The following RORA variants were observed in gnomAD, a reference collection of about 807,000 sequenced individuals.
RORA encodes the protein RAR related orphan receptor A, also known as nuclear receptor ROR-alpha.
Under a neutral mutation model 69.5 loss-of-function variants are expected in RORA, and 7 were observed. The ratio of observed to expected loss-of-function variants is 0.10; its 90% CI spans 0.06 to 0.19. The LOEUF (loss-of-function observed/expected upper bound fraction) is 0.19. Among genes scored for constraint, RORA ranks in the 10% least tolerant of loss-of-function variants. The probability of loss-of-function intolerance (pLI) is 1.00; values close to 1 mark genes in which losing one functional copy is unlikely to be tolerated. For synonymous variants in RORA, 261 were observed against 240.8 expected, an observed-to-expected ratio of 1.08 and a Z score of -0.78; for missense variants, 457 against 663.0, an observed-to-expected ratio of 0.69 and a Z score of 3.41.
chr15:61,036,179 C>T (rs1036649006), intron 1 of RORA, among the ~76,000 whole-genome samples: 7 of 152,120 alleles, frequency 4.6e-5, no homozygotes, highest in Non-Finnish European at 8.8e-5. Context: ...GAGGCAGCAA[C>T]CAGGGAAAAT....
intron 1 of RORA, among the ~76,000 whole-genome samples, chr15:61,012,331 G>A (rs1307645292): frequency 1.3e-5 from 2 of 152,208 alleles, no homozygotes; most frequent in Non-Finnish European, 2.9e-5. Flanking sequence ...AATTGGTACA[G>A]TAATCTTTGC....
At chr15:60,810,678 T>A (rs1263891179) in intron 1 of RORA, among the ~76,000 whole-genome samples, 1 of 151,758 alleles carries the variant, frequency 6.6e-6, no homozygotes, top group African/African-American at 2.4e-5. Context: ...CTTATCTTTC[T>A]GTGTTTTTTA....
chr15:60,524,462 C>T (rs1452693120), intron 3 of RORA, among the ~76,000 whole-genome samples: 1 of 152,190 alleles, frequency 6.6e-6, no homozygotes, highest in Non-Finnish European at 1.5e-5. Flanking sequence ...CCACAGTTCC[C>T]CAAAGAAACT....
chr15:61,159,003 G>A (rs983764626), intron 1 of RORA, among the ~76,000 whole-genome samples: 1 of 152,086 alleles, frequency 6.6e-6, no homozygotes, highest in African/African-American at 2.4e-5. Context: ...GTCATTTTAC[G>A]ACTAGACCTC....
chr15:60,817,603 G>A (rs1386618395), intron 1 of RORA, among the ~76,000 whole-genome samples: 3 of 152,146 alleles, frequency 2.0e-5, no homozygotes, highest in Admixed American at 6.5e-5. Context: ...GTAACACCAG[G>A]TCCAATCTCT....
chr15:60,942,466 G>A (rs568998658), intron 1 of RORA, among the ~76,000 whole-genome samples: 4 of 152,130 alleles, frequency 2.6e-5, no homozygotes, highest in Non-Finnish European at 2.9e-5. Flanking sequence ...CAAGATGTTC[G>A]GCAATTATTT....
At position 60,522,314 on chromosome 15, in the gene RORA, G is replaced by A. The variant is rs139439289; in HGVS notation, c.283-7557C>T. ...TCTGTATTCTGTGAAAGAGCGGGTC[G>A]GGTGGCTTGAAAATGGCCATTGGTG... On this transcript the variant is annotated intron_variant, in intron 3 of 10. Transcript: ENST00000335670. Among the ~76,000 whole-genome samples the A allele has an allele frequency of 1.4e-4, 22 of 152,268 alleles. No homozygotes were observed. In the East Asian group the frequency reaches 4.2e-3, roughly 29 times the overall value.
Position 60,604,804 on chromosome 15 carries a change from T to A in RORA, c.197-72953A>T, listed in dbSNP as rs183073698. ...GTTACTTATATTCTTTGAGCTTCAATTTCCTCTCCTGTACAACTGAAAAAC... is the reference window on the plus strand; with the variant it reads ...GTTACTTATATTCTTTGAGCTTCAAATTCCTCTCCTGTACAACTGAAAAAC... On this transcript the variant is annotated intron_variant, in intron 2 of 10. Coordinates refer to ENST00000335670, the MANE Select transcript of RORA (RefSeq NM_134261.3). Among the ~76,000 whole-genome samples, 11 of 152,304 alleles carry A rather than the reference T, an allele frequency of 7.2e-5. No homozygotes were observed. In the East Asian group the frequency reaches 1.9e-3, roughly 27 times the overall value.
At chr15:60,983,838 C>A (rs1314750034) in intron 1 of RORA, among the ~76,000 whole-genome samples, 2 of 152,176 alleles carry the variant, frequency 1.3e-5, no homozygotes, top group Admixed American at 1.3e-4. Context: ...AACCCAACCA[C>A]CTTGAGCATA....
chr15:60,946,340 G>C (rs1166470502), intron 1 of RORA, among the ~76,000 whole-genome samples: 1 of 149,020 alleles, frequency 6.7e-6, no homozygotes, highest in Admixed American at 6.6e-5. Context: ...CTGTACTGCC[G>C]CCATCTCTGC....
intron 1 of RORA, among the ~76,000 whole-genome samples, chr15:60,874,544 A>G (rs908142128): frequency 6.6e-6 from 1 of 152,226 alleles, no homozygotes; most frequent in Admixed American, 6.5e-5. Flanking sequence ...GAATGAGTGT[A>G]GCTGTTTTCC....
intron 2 of RORA, among the ~76,000 whole-genome samples, chr15:60,565,952 C>T (rs1168905281): frequency 6.6e-6 from 1 of 152,186 alleles, no homozygotes; most frequent in Non-Finnish European, 1.5e-5. Flanking sequence ...ACTCTTGATG[C>T]TGGTAAACTG....
chr15:60,779,125 G>A (rs1354755899), intron 1 of RORA, among the ~76,000 whole-genome samples: 1 of 152,116 alleles, frequency 6.6e-6, no homozygotes, highest in Non-Finnish European at 1.5e-5. Context: ...GCCTAAATTG[G>A]ACTTCTAGTC....
intron 2 of RORA, among the ~76,000 whole-genome samples, chr15:60,626,476 T>G (rs1013472362): frequency 6.6e-6 from 1 of 152,094 alleles, no homozygotes; most frequent in Non-Finnish European, 1.5e-5. Flanking sequence ...GTAATATGAG[T>G]AGCCGCGTTC....
At chr15:60,971,452 G>A (rs955015408) in intron 1 of RORA, among the ~76,000 whole-genome samples, 2 of 152,180 alleles carry the variant, frequency 1.3e-5, no homozygotes, top group Non-Finnish European at 2.9e-5. Flanking sequence ...CTGGGCACAC[G>A]GAGGATGCGG....
intron 1 of RORA, among the ~76,000 whole-genome samples, chr15:60,885,020 CT>C (rs1212055996): frequency 1.3e-5 from 2 of 152,324 alleles, no homozygotes; most frequent in African/African-American, 2.4e-5. Flanking sequence ...TAAAAGCAGC[CT>C]TTTCATTTCA....
intron 2 of RORA, chr15:60,627,182 G>A (rs2069606156): frequency 2.0e-6 from 3 of 1,497,830 alleles, no homozygotes; most frequent in Admixed American, 1.7e-5. Flanking sequence ...GTGGGTGGTG[G>A]GGGGAGGGTA....
chr15:60,930,796 C>A (rs894924767), intron 1 of RORA, among the ~76,000 whole-genome samples: 2 of 152,146 alleles, frequency 1.3e-5, no homozygotes, highest in Non-Finnish European at 2.9e-5. Flanking sequence ...CACCTGTAGA[C>A]TTTGAGGTCC....
intron 1 of RORA, among the ~76,000 whole-genome samples, chr15:60,911,524 A>C (rs932145304): frequency 1.2e-4 from 18 of 152,206 alleles, no homozygotes; most frequent in Non-Finnish European, 2.4e-4. Context: ...CCCTTCCCTT[A>C]AGGTTTTAAA....
Sources: allele counts gnomAD v4.1 joint callset (sites outside exome capture counted in the v4.1 genomes callset), GRCh38; gene constraint gnomAD v4.1.1; transcripts MANE v1.5; gene names NCBI Gene and HGNC (gene_info 2026-07-23, HGNC 2026-07-21).